SHTN1: variants seen among roughly 807,000 people sequenced by gnomAD.
SHTN1 encodes shootin 1.
A neutral mutation model predicts 83.1 loss-of-function variants in SHTN1; 42 were observed. That is an observed-to-expected ratio of 0.51 (90% CI 0.39 to 0.65). The LOEUF (loss-of-function observed/expected upper bound fraction) is 0.65. SHTN1 is among the 30% of genes least tolerant of loss of function. The probability of loss-of-function intolerance (pLI) is 0.00; values close to 1 mark genes in which losing one functional copy is unlikely to be tolerated. For missense variants in SHTN1, 622 were observed against 737.8 expected (o/e 0.84, Z 1.82); for synonymous variants, 224 against 247.7 (o/e 0.90, Z 0.90).
At chr10:117,098,275 T>C (rs1478424085) in intron 1 of SHTN1, among the ~76,000 whole-genome samples, 4 of 150,592 alleles carry the variant, frequency 2.7e-5, no homozygotes, top group Non-Finnish European at 5.9e-5. Flanking sequence ...TGGACGCCTG[T>C]TGTCCCAGCT....
At chr10:117,108,696 T>TA (rs1214263354) in intron 1 of SHTN1, among the ~76,000 whole-genome samples, 1 of 151,342 alleles carries the variant, frequency 6.6e-6, no homozygotes, top group Non-Finnish European at 1.5e-5. Flanking sequence ...CCCTAGAACT[T>TA]AAAGTATAAT....
At chr10:116,960,546 T>C (rs1158373669) in intron 3 of SHTN1, among the ~76,000 whole-genome samples, 1 of 152,216 alleles carries the variant, frequency 6.6e-6, no homozygotes, top group Non-Finnish European at 1.5e-5. Flanking sequence ...TAGACATATG[T>C]GCTAGTTTAA....
At chr10:117,055,026 G>C (rs1852807949) in intron 1 of SHTN1, among the ~76,000 whole-genome samples, 1 of 152,142 alleles carries the variant, frequency 6.6e-6, no homozygotes, top group African/African-American at 2.4e-5. Context: ...CATGGTTGGG[G>C]AGGCCTCAGG....
upstream of SHTN1, among the ~76,000 whole-genome samples, chr10:117,007,128 T>C (rs1245060592): frequency 6.6e-6 from 1 of 152,010 alleles, no homozygotes; most frequent in Non-Finnish European, 1.5e-5. Context: ...TAGTTGCAGA[T>C]AGCTGCCATG....
chr10:117,069,613 A>ATTATTACTTTTATTAT (rs1853052383), intron 1 of SHTN1, among the ~76,000 whole-genome samples: 1 of 152,234 alleles, frequency 6.6e-6, no homozygotes, highest in African/African-American at 2.4e-5. Flanking sequence ...CAAGTGTTAC[A>ATTATTACTTTTATTAT]TTACTATTAT....
At chr10:116,890,629 A>T (rs1847312275) in intron 16 of SHTN1, among the ~76,000 whole-genome samples, 1 of 152,246 alleles carries the variant, frequency 6.6e-6, no homozygotes, top group African/African-American at 2.4e-5. Context: ...GCTACGAGAA[A>T]TATACCAAGT....
At chr10:116,998,135 G>C (rs538132389) in intron 1 of SHTN1, among the ~76,000 whole-genome samples, 1 of 152,234 alleles carries the variant, frequency 6.6e-6, no homozygotes, top group Non-Finnish European at 1.5e-5. Flanking sequence ...CTTTGAGGGG[G>C]AACATCTACA....
intron 1 of SHTN1, among the ~76,000 whole-genome samples, chr10:117,059,794 T>C (rs75429176): frequency 0.012 from 1,879 of 152,316 alleles, 48 homozygotes; most frequent in African/African-American, 0.042. Flanking sequence ...CTCGTTGATA[T>C]TGTTCTACAG....
intron 1 of SHTN1, among the ~76,000 whole-genome samples, chr10:117,077,130 T>G (rs998910731): frequency 1.3e-5 from 2 of 152,192 alleles, no homozygotes; most frequent in African/African-American, 2.4e-5. Context: ...ATGCTTCACC[T>G]CTACGAATAG....
chr10:116,989,733 G>T (rs550123700), intron 1 of SHTN1, among the ~76,000 whole-genome samples: 1 of 152,180 alleles, frequency 6.6e-6, no homozygotes, highest in Non-Finnish European at 1.5e-5. Flanking sequence ...CTAAAATGAA[G>T]TGTTCTTTGT....
chr10:116,924,730 T>C (rs1848678991), intron 11 of SHTN1, among the ~76,000 whole-genome samples: 2 of 148,860 alleles, frequency 1.3e-5, no homozygotes, highest in African/African-American at 2.5e-5. Context: ...AACATTTCAG[T>C]GGAGAATTTT....
intron 15 of SHTN1, among the ~76,000 whole-genome samples, chr10:116,905,883 G>A (rs1050350071): frequency 6.6e-6 from 1 of 152,124 alleles, no homozygotes; most frequent in Admixed American, 6.5e-5. Flanking sequence ...CTGAAGACAC[G>A]CACAGTTATG....
chr10:117,126,060 G>A (rs895623012), intron 1 of SHTN1, among the ~76,000 whole-genome samples: 1 of 152,230 alleles, frequency 6.6e-6, no homozygotes, highest in Admixed American at 6.5e-5. Flanking sequence ...GAAGCCGGGG[G>A]TCAAGGGCGT....
chr10:117,052,282 C>G (rs1425530702), intron 1 of SHTN1, among the ~76,000 whole-genome samples: 1 of 151,142 alleles, frequency 6.6e-6, no homozygotes, highest in Admixed American at 6.6e-5. Context: ...ATTTTAAAAC[C>G]TAAATAAATG....
intron 16 of SHTN1, among the ~76,000 whole-genome samples, chr10:116,892,889 G>A (rs1847381537): frequency 6.6e-6 from 1 of 152,090 alleles, no homozygotes. Flanking sequence ...ATTGAAAAAT[G>A]GCTAAGAAAA....
chr10:116,911,395 A>T, intron 14 of SHTN1: 1 of 1,446,914 alleles, frequency 6.9e-7, no homozygotes, highest in Non-Finnish European at 9.2e-7. Context: ...GGAGGAATTT[A>T]GCTTCACATT....
chr10:117,058,337 A>G (rs1852854638), intron 1 of SHTN1, among the ~76,000 whole-genome samples: 1 of 152,186 alleles, frequency 6.6e-6, no homozygotes, highest in Non-Finnish European at 1.5e-5. Flanking sequence ...AAAATAACCC[A>G]AACAACCTGA....
At position 116,901,334 on chromosome 10, in the gene SHTN1, C is replaced by CT. The variant is rs1424741461; in HGVS notation, c.1673+430dup. On this transcript the variant is annotated intron_variant, in intron 16 of 16. Coordinates refer to ENST00000355371, the MANE Select transcript of SHTN1 (RefSeq NM_001127211.3). ...CAGGATAGAGCAATATTAGGCACAT[C>CT]TTTAACTGAAGACTAGAAAAGAAGG... The CT allele has an allele frequency of 3.0e-6, 3 of 984,872 alleles. No individual in the cohort carries two copies. In the African/African-American group the frequency reaches 5.2e-5, roughly 17 times the overall value. 61.0% of individuals were successfully genotyped at this position (984,872 alleles called of 1,614,324 possible). A position where few individuals can be genotyped will look rare whatever the true frequency, so the allele number is the denominator to read the frequency against.
At chr10:117,109,700 G>A (rs1457668648) in intron 1 of SHTN1, among the ~76,000 whole-genome samples, 1 of 151,002 alleles carries the variant, frequency 6.6e-6, no homozygotes, top group Admixed American at 6.6e-5. Context: ...AAGTAGCTGG[G>A]ACTATAGGAG....
Sources: gnomAD v4.1 joint callset for allele counts (sites outside exome capture counted in the v4.1 genomes callset) on GRCh38, gnomAD v4.1.1 for gene constraint, MANE v1.5 for transcripts, NCBI Gene and HGNC (gene_info 2026-07-23, HGNC 2026-07-21) for gene names.